DISP1: variants seen among roughly 807,000 people sequenced by gnomAD.
DISP1 encodes the protein protein dispatched homolog 1.
A neutral mutation model predicts 37.3 loss-of-function variants in DISP1; 30 were observed. The ratio of observed to expected loss-of-function variants is 0.80; its 90% CI spans 0.60 to 1.09. The LOEUF (loss-of-function observed/expected upper bound fraction) is 1.09, where lower values mean the gene tolerates loss of function less well. Ranked by LOEUF, DISP1 falls within the 50% of genes least tolerant of loss-of-function variation. The probability of loss-of-function intolerance (pLI) is 0.00; values close to 1 mark genes in which losing one functional copy is unlikely to be tolerated. For missense variants in DISP1, 1,598 were observed against 1,879.5 expected (o/e 0.85, Z 2.77); for synonymous variants, 634 against 690.2 (o/e 0.92, Z 1.28).
intron 3 of DISP1, among the ~76,000 whole-genome samples, chr1:222,969,556 G>A (rs1037257860): frequency 3.3e-5 from 5 of 151,816 alleles, no homozygotes; most frequent in South Asian, 2.1e-4. Context: ...CTAACGTAAC[G>A]TAGTAGTATG....
chr1:222,844,581 A>G (rs981257162), intron 1 of DISP1, among the ~76,000 whole-genome samples: 20 of 152,122 alleles, frequency 1.3e-4, no homozygotes, highest in African/African-American at 4.8e-4. Context: ...AAACATTTTA[A>G]TGGTTAATCC....
In DISP1 at chr1:222,960,333, A is replaced by C. The variant is rs375607605; in HGVS notation, c.509+17001A>C. 7.9e-4 allele frequency among the ~76,000 whole-genome samples: 120 copies of C among 152,276 alleles called. 1 individual carries two copies. The South Asian group carries it at 0.024, about 31-fold the overall frequency. ...TTAAGAAACTCACTAAAAACCACAC[A>C]ATTACATGGAAATCGAATAACCTGC... On this transcript the variant is annotated intron_variant, in intron 3 of 8. Transcript: ENST00000675850.
chr1:222,996,153 A>G (rs1278007581), intron 8 of DISP1, among the ~76,000 whole-genome samples: 1 of 152,212 alleles, frequency 6.6e-6, no homozygotes. Flanking sequence ...TAAATAGACC[A>G]AAGTTTCTTA....
chr1:222,950,660 T>C (rs1675156553), intron 3 of DISP1, among the ~76,000 whole-genome samples: 1 of 151,962 alleles, frequency 6.6e-6, no homozygotes, highest in South Asian at 2.1e-4. Context: ...CGGAGGGTCA[T>C]TGTGGGTGTC....
At position 223,003,576 on chromosome 1, in the gene DISP1, GC is replaced by G; in HGVS notation, c.2181del (p.Leu728Ter). 9 of 1,614,152 alleles carry G rather than the reference GC, an allele frequency of 5.6e-6. No individual in the cohort carries two copies. The highest frequency in any genetic ancestry group is 7.6e-6 in the Non-Finnish European group (9 of 1,180,042). On this transcript the variant is annotated frameshift_variant, in exon 9 of 9. Coordinates refer to ENST00000675850, the MANE Select transcript of DISP1 (RefSeq NM_001377229.1). LOFTEE classifies it low-confidence loss of function (END_TRUNC). This position sits in a 1 kb window ranked among gnomAD's most constrained non-coding sequence, Gnocchi z 4.3. ...CTACCTTTGGCTGTTTTGGTTCCTTGCCTTAACTGTAGGTGGGGCCTACATT... is the reference window on the plus strand; with the variant it reads ...CTACCTTTGGCTGTTTTGGTTCCTTGCTTAACTGTAGGTGGGGCCTACATT... Reference protein sequence around the residue: ...FRYLWLFWFLALTVGGAYIVC... With the variant: ...FRYLWLFWFLXLTVGGAYIVC...
chr1:222,861,409 A>G (rs1308144739), intron 1 of DISP1, among the ~76,000 whole-genome samples: 1 of 152,180 alleles, frequency 6.6e-6, no homozygotes, highest in Non-Finnish European at 1.5e-5. Context: ...GGTTTTGTTC[A>G]CTATTTATTC....
intron 3 of DISP1, 142 bp from the exon 4 acceptor site, chr1:222,982,938 C>CAT (rs796862351): frequency 1.6e-4 from 96 of 591,662 alleles, no homozygotes; most frequent in Non-Finnish European, 1.9e-4. Context: ...AATAGATTGC[C>CAT]TTTTTTTTTT....
chr1:222,833,303 T>C (rs1480207752), intron 1 of DISP1, among the ~76,000 whole-genome samples: 1 of 152,112 alleles, frequency 6.6e-6, no homozygotes, highest in Non-Finnish European at 1.5e-5. Context: ...GTAGCAAAAG[T>C]GTGGGTATTA....
intron 3 of DISP1, among the ~76,000 whole-genome samples, chr1:222,973,341 G>T (rs1474288381): frequency 6.6e-6 from 1 of 151,966 alleles, no homozygotes; most frequent in African/African-American, 2.4e-5. Context: ...TGGTAAACAG[G>T]TCTATTGATT....
Position 223,003,288 on chromosome 1 carries a change from C to T in DISP1, c.1891C>T (p.Arg631Ter), listed in dbSNP as rs747887655. The T allele has an allele frequency of 5.6e-6, 9 of 1,614,174 alleles. No homozygotes were observed. Among genetic ancestry groups the T allele is most frequent in the South Asian group, 3.3e-5 (3 of 91,084 alleles). Reference sequence around the variant, plus strand: ...CTATGTTAGCAACATTACAGCAATCCGATGCTTTGGGGTTTATGCGGGGAC... The same window carrying T: ...CTATGTTAGCAACATTACAGCAATCTGATGCTTTGGGGTTTATGCGGGGAC... Reference protein sequence around the residue: ...ANYVSNITAIRCFGVYAGTAI... With the variant: ...ANYVSNITAI Residue 631 changes from arginine to a stop codon, truncating the protein, a stop_gained, in exon 9 of 9, where the codon CGA (arginine) becomes TGA (stop). Coordinates refer to ENST00000675850, the MANE Select transcript of DISP1 (RefSeq NM_001377229.1). LOFTEE classifies it low-confidence loss of function (END_TRUNC). The surrounding 1 kb of genome is among the most constrained non-coding windows in gnomAD (Gnocchi z 4.3).
intron 8 of DISP1, among the ~76,000 whole-genome samples, chr1:222,998,659 G>A (rs952231103): frequency 3.9e-5 from 6 of 152,058 alleles, no homozygotes; most frequent in Admixed American, 2.0e-4. Flanking sequence ...CACTGGTGTC[G>A]TTAGTAACCA....
rs746283315 is a variant in DISP1 at position 223,004,848 on chromosome 1, T to C, written c.3451T>C (p.Cys1151Arg). The change falls in exon 9 of 9, where the codon TGC becomes CGC. Residue 1151 changes from cysteine to arginine, a missense_variant. By Grantham distance (180) the Cys-to-Arg change is radical (BLOSUM62 -3). Coordinates refer to ENST00000675850, the MANE Select transcript of DISP1 (RefSeq NM_001377229.1). The surrounding 1 kb of genome is among the most constrained non-coding windows in gnomAD (Gnocchi z 4.9). ...GQIPLPKKLQCSAFSHALSTS... is the reference protein window; with the variant it reads ...GQIPLPKKLQRSAFSHALSTS... ...GATTCCTTTACCTAAAAAACTACAG[T>C]GCAGTGCCTTTTCCCATGCCTTGTC... 3 of 1,609,634 alleles carry C rather than the reference T, an allele frequency of 1.9e-6. No homozygotes were observed. The highest frequency in any genetic ancestry group is 1.7e-6 in the Non-Finnish European group (2 of 1,179,956).
Position 222,882,837 on chromosome 1 carries a change from A to T in DISP1, c.-158-45593A>T, listed in dbSNP as rs140641378. 4.2e-3 allele frequency among the ~76,000 whole-genome samples: 635 copies of T among 152,294 alleles called. 13 individuals are homozygous for T. The highest frequency in any genetic ancestry group is 0.018 in the Admixed American group (275 of 15,296). On this transcript the variant is annotated intron_variant, in intron 1 of 8. Coordinates refer to ENST00000675850, the MANE Select transcript of DISP1 (RefSeq NM_001377229.1). ...TTAAATATCTGCAGAGTGTATTTGT[A>T]TAAATGCTTAGAAATTAATATACAC...
chr1:222,912,574 C>T (rs73128670), intron 1 of DISP1, among the ~76,000 whole-genome samples: 24,811 of 151,874 alleles, frequency 0.16, 2,103 homozygotes, highest in East Asian at 0.3. Context: ...TTTCTTTTTA[C>T]TTCTTTTTAC....
intron 1 of DISP1, among the ~76,000 whole-genome samples, chr1:222,874,615 C>G (rs1461901318): frequency 2.0e-5 from 3 of 152,134 alleles, no homozygotes; most frequent in Non-Finnish European, 4.4e-5. Context: ...TCCATCAGGT[C>G]CTTTAAGGAC....
intron 1 of DISP1, among the ~76,000 whole-genome samples, chr1:222,883,152 G>A (rs1016707468): frequency 6.6e-6 from 1 of 151,916 alleles, no homozygotes; most frequent in Non-Finnish European, 1.5e-5. Flanking sequence ...GGGCAATTTG[G>A]TAATACAATT....
chr1:222,927,379 C>T (rs1428868943), intron 1 of DISP1, among the ~76,000 whole-genome samples: 4 of 152,016 alleles, frequency 2.6e-5, no homozygotes, highest in Non-Finnish European at 5.9e-5. Context: ...AAACACTTTA[C>T]CTCTTTTAAA....
chr1:222,966,549 A>G (rs1359804057), intron 3 of DISP1, among the ~76,000 whole-genome samples: 1 of 152,204 alleles, frequency 6.6e-6, no homozygotes, highest in African/African-American at 2.4e-5. Flanking sequence ...AATTTTAACT[A>G]TGTAAGGTTT....
intron 1 of DISP1, among the ~76,000 whole-genome samples, chr1:222,885,533 A>G (rs1301116288): frequency 6.6e-6 from 1 of 151,158 alleles, no homozygotes; most frequent in Non-Finnish European, 1.5e-5. Flanking sequence ...CAGTGGTGCA[A>G]TCACAGCTGA....
Sources: allele counts gnomAD v4.1 joint callset (sites outside exome capture counted in the v4.1 genomes callset), GRCh38; gene constraint gnomAD v4.1.1; non-coding constraint Gnocchi (gnomAD v3.1); transcripts MANE v1.5; gene names NCBI Gene and HGNC (gene_info 2026-07-23, HGNC 2026-07-21).